GRB10: variants seen among roughly 807,000 people sequenced by gnomAD.
The protein encoded by GRB10 is growth factor receptor bound protein 10.
Under a neutral mutation model 80.9 loss-of-function variants are expected in GRB10, and 20 were observed. The observed-to-expected ratio is 0.25, with a 90% CI of 0.17 to 0.36. The LOEUF is 0.36. GRB10 is among the 10% of genes least tolerant of loss of function. The pLI is 1.00. For synonymous variants in GRB10, 291 were observed against 291.5 expected, an observed-to-expected ratio of 1.00 and a Z score of 0.02; for missense variants, 548 against 747.7, an observed-to-expected ratio of 0.73 and a Z score of 3.12.
intron 2 of GRB10, among the ~76,000 whole-genome samples, chr7:50,767,996 C>T (rs1562663691): frequency 1.3e-5 from 2 of 152,292 alleles, no homozygotes; most frequent in Non-Finnish European, 2.9e-5. Context: ...AATCATCTGC[C>T]TCCTACACTG....
chr7:50,657,138 T>C (rs549640890), intron 7 of GRB10, among the ~76,000 whole-genome samples: 36 of 152,346 alleles, frequency 2.4e-4, no homozygotes, highest in African/African-American at 7.7e-4. Flanking sequence ...AGATGTTAAA[T>C]AACTGAAAAC....
intron 5 of GRB10, among the ~76,000 whole-genome samples, chr7:50,676,336 G>T (rs1354465563): frequency 2.9e-4 from 2 of 6,940 alleles, no homozygotes; most frequent in Non-Finnish European, 5.1e-4. Context: ...CCACCCCACC[G>T]GGGGGGGGGG....
intron 7 of GRB10, among the ~76,000 whole-genome samples, chr7:50,638,664 C>T (rs1188678684): frequency 6.6e-6 from 1 of 152,054 alleles, no homozygotes; most frequent in East Asian, 1.9e-4. Context: ...TTAATACAAC[C>T]TGTATGGAAA....
intron 7 of GRB10, among the ~76,000 whole-genome samples, chr7:50,648,281 C>T (rs1159679143): frequency 3.9e-5 from 6 of 152,236 alleles, no homozygotes; most frequent in East Asian, 1.9e-4. Flanking sequence ...AGCCCTCATG[C>T]TGCTGCAGGC....
intron 5 of GRB10, among the ~76,000 whole-genome samples, chr7:50,681,409 G>A (rs2237484): frequency 0.56 from 85,470 of 152,188 alleles, 24,513 homozygotes; most frequent in African/African-American, 0.66. Flanking sequence ...CTCGAGGGGC[G>A]ATGGTGTTTA....
At chr7:50,623,633 C>T (rs1248776198) in intron 8 of GRB10, among the ~76,000 whole-genome samples, 3 of 152,220 alleles carry the variant, frequency 2.0e-5, no homozygotes, top group Non-Finnish European at 4.4e-5. Context: ...GTGCTTTTCT[C>T]CCGCAGAAAG....
intron 7 of GRB10, among the ~76,000 whole-genome samples, chr7:50,648,180 A>C (rs894410831): frequency 6.6e-6 from 1 of 152,138 alleles, no homozygotes; most frequent in Non-Finnish European, 1.5e-5. Flanking sequence ...CCAGTGACTG[A>C]AGAGCCAGCA....
intron 17 of GRB10, among the ~76,000 whole-genome samples, chr7:50,596,208 T>C (rs1285534374): frequency 6.6e-6 from 1 of 152,204 alleles, no homozygotes. Flanking sequence ...TATTGTACTG[T>C]TAATACTTAT....
chr7:50,623,394 T>C (rs1585854329), intron 8 of GRB10, among the ~76,000 whole-genome samples: 1 of 152,332 alleles, frequency 6.6e-6, no homozygotes, highest in Non-Finnish European at 1.5e-5. Flanking sequence ...CGTCCAGTAG[T>C]GAATGTCCCC....
chr7:50,684,046 G>A (rs2061829715), intron 5 of GRB10, among the ~76,000 whole-genome samples: 1 of 152,078 alleles, frequency 6.6e-6, no homozygotes, highest in Non-Finnish European at 1.5e-5. Flanking sequence ...TTAAAAAACT[G>A]TTTATCTTTA....
intron 13 of GRB10, among the ~76,000 whole-genome samples, chr7:50,608,194 C>A (rs986684273): frequency 6.6e-6 from 1 of 152,130 alleles, no homozygotes; most frequent in Non-Finnish European, 1.5e-5. Context: ...TGCTGAGAAA[C>A]AGACACAAAG....
At chr7:50,710,622 G>A (rs1416068282) in intron 4 of GRB10, among the ~76,000 whole-genome samples, 2 of 152,150 alleles carry the variant, frequency 1.3e-5, no homozygotes, top group East Asian at 3.9e-4. Flanking sequence ...CATCATCAGT[G>A]CGGCGGGCAC....
At chr7:50,624,816 T>G (rs762823029) in intron 8 of GRB10, among the ~76,000 whole-genome samples, 6 of 152,226 alleles carry the variant, frequency 3.9e-5, no homozygotes, top group Non-Finnish European at 8.8e-5. Context: ...TCGTTATTTT[T>G]TTATTTTTTA....
intron 3 of GRB10, among the ~76,000 whole-genome samples, chr7:50,746,210 A>C (rs2072865016): frequency 6.6e-6 from 1 of 152,210 alleles, no homozygotes; most frequent in Non-Finnish European, 1.5e-5. Flanking sequence ...TTAGTTAAGA[A>C]TCTCCTTACA....
At chr7:50,699,406 G>A (rs2153664731) in intron 5 of GRB10, among the ~76,000 whole-genome samples, 1 of 152,336 alleles carries the variant, frequency 6.6e-6, no homozygotes, top group Non-Finnish European at 1.5e-5. Flanking sequence ...ATTTTAACAA[G>A]TTAAGGAGGT....
chr7:50,689,051 G>A (rs190427549), intron 5 of GRB10, among the ~76,000 whole-genome samples: 195 of 152,246 alleles, frequency 1.3e-3, no homozygotes, highest in African/African-American at 4.5e-3. Flanking sequence ...ATCTCTCTCC[G>A]AAACCACTCC....
intron 2 of GRB10, among the ~76,000 whole-genome samples, chr7:50,774,158 T>C (rs1043096787): frequency 1.3e-5 from 2 of 152,194 alleles, no homozygotes; most frequent in African/African-American, 4.8e-5. Flanking sequence ...GGGAAATCTA[T>C]GCAGACAGAA....
intron 2 of GRB10, among the ~76,000 whole-genome samples, chr7:50,761,378 G>A (rs918539664): frequency 9.2e-5 from 14 of 152,164 alleles, no homozygotes; most frequent in African/African-American, 3.4e-4. Context: ...AAATCTACTA[G>A]AGTGAGCCTG....
chr7:50,723,555 G>A (rs1016496764), intron 4 of GRB10, among the ~76,000 whole-genome samples: 2 of 152,302 alleles, frequency 1.3e-5, no homozygotes, highest in African/African-American at 4.8e-5. Context: ...AAAGGAAGAC[G>A]ATGAAGGGTT....
Sources: gnomAD v4.1 joint callset for allele counts (sites outside exome capture counted in the v4.1 genomes callset) on GRCh38, gnomAD v4.1.1 for gene constraint, MANE v1.5 for transcripts, NCBI Gene and HGNC (gene_info 2026-07-23, HGNC 2026-07-21) for gene names.